The following NR1I2 variants were observed in gnomAD, a reference collection of about 807,000 sequenced individuals.
NR1I2 encodes the protein orphan nuclear receptor PAR1.
A neutral mutation model predicts 43.3 loss-of-function variants in NR1I2; 42 were observed. That is an observed-to-expected ratio of 0.97 (90% CI 0.76 to 1.26). The LOEUF is 1.26. Among genes scored for constraint, NR1I2 ranks in the 50% most tolerant of loss-of-function variants. NR1I2 has a pLI of 0.00. For missense variants in NR1I2, 559 were observed against 566.7 expected, an observed-to-expected ratio of 0.99 and a Z score of 0.14; for synonymous variants, 229 against 215.0, an observed-to-expected ratio of 1.06 and a Z score of -0.57.
At chr3:119,804,236 G>C (rs1342728836) in intron 1 of NR1I2, among the ~76,000 whole-genome samples, 1 of 150,138 alleles carries the variant, frequency 6.7e-6, no homozygotes, top group African/African-American at 2.4e-5. Context: ...TTAGCCAGGC[G>C]TGGTGGCAGG....
intron 2 of NR1I2, 84 bp downstream of exon 2, chr3:119,807,531 C>G: frequency 8.2e-7 from 1 of 1,224,394 alleles, no homozygotes; most frequent in Non-Finnish European, 1.2e-6. Flanking sequence ...ACCTGTCCCC[C>G]AGGTTCAGAG....
chr3:119,791,339 C>T lies in NR1I2; in HGVS notation c.-23+9039C>T, dbSNP rs572959292. Among the ~76,000 whole-genome samples, 22 of 152,310 alleles carry T rather than the reference C, an allele frequency of 1.4e-4. 1 individual carries two copies. In the South Asian group the frequency reaches 4.6e-3, roughly 32 times the overall value. On this transcript the variant is annotated intron_variant, in intron 1 of 8. Coordinates refer to ENST00000393716, the MANE Select transcript of NR1I2 (RefSeq NM_003889.4). ...CCAGAGTGGCCTCCTCCTGCAATGT[C>T]AGGCTAGATTAACATCTATGAGAGT...
In NR1I2 at chr3:119,817,961, AACAC is replaced by A. The variant is rs1176172762; in HGVS notation, c.*751_*754del. 1.0e-6 allele frequency: 1 copy of A among 985,096 alleles called. No individual in the cohort carries two copies. The highest frequency in any genetic ancestry group is 1.7e-5 in the African/African-American group (1 of 57,222). The allele number at this position is 985,096 out of a possible 1,614,324, so 61.0% of individuals were successfully genotyped here. Reference sequence around the variant, plus strand: ...GTTTATAGTTAAAAAAACAAACAGAAACACAAACGATTTGGATCAAAAGGAGAAA... The same window carrying A: ...GTTTATAGTTAAAAAAACAAACAGAAAAACGATTTGGATCAAAAGGAGAAA... On this transcript the variant is annotated 3_prime_UTR_variant, in exon 9 of 9. Coordinates refer to ENST00000393716, the MANE Select transcript of NR1I2 (RefSeq NM_003889.4).
intron 1 of NR1I2, among the ~76,000 whole-genome samples, chr3:119,786,534 C>T (rs1025951286): frequency 1.3e-5 from 2 of 152,192 alleles, no homozygotes; most frequent in Non-Finnish European, 2.9e-5. Flanking sequence ...AACTATAAAA[C>T]CACAGGCAAC....
Position 119,817,776 on chromosome 3 carries a change from A to G in NR1I2, c.*564A>G, listed in dbSNP as rs2055350824. 1 of 1,002,194 alleles carries G rather than the reference A, an allele frequency of 1.0e-6. No homozygotes were observed. The highest frequency in any genetic ancestry group is 5.2e-5 in the Admixed American group (1 of 19,264). 62.1% of individuals were successfully genotyped at this position (1,002,194 alleles called of 1,614,324 possible). On this transcript the variant is annotated 3_prime_UTR_variant, in exon 9 of 9. Coordinates refer to ENST00000393716, the MANE Select transcript of NR1I2 (RefSeq NM_003889.4). ...GAGTCCTCTAGAGAGATGAGAAGCC[A>G]GGAGGCCTGCACCAAATGTCAGAAG...
chr3:119,815,806 T>C lies in NR1I2; in HGVS notation c.1135T>C (p.Cys379Arg). 1 of 1,612,530 alleles carries C rather than the reference T, an allele frequency of 6.2e-7. No homozygotes were observed. The highest frequency in any genetic ancestry group is 1.7e-4 in the Middle Eastern group (1 of 6,060). Residue 379 changes from cysteine (C) to arginine (R), a missense_variant, in exon 8 of 9, where the codon TGC becomes CGC. Transcript: ENST00000393716. ...CATTACTCTGAAGTCCTACATTGAA[T>C]GCAATCGGCCCCAGCCTGCTCATAG... is the stretch of plus-strand genomic sequence containing the variant.
Position 119,817,706 on chromosome 3 carries a change from G to T in NR1I2, c.*494G>T, listed in dbSNP as rs1382022196. The T allele has an allele frequency of 1.6e-5, 18 of 1,110,282 alleles. No homozygotes were observed. In the Admixed American group the frequency reaches 8.2e-4, roughly 50 times the overall value. The allele number at this position is 1,110,282 out of a possible 1,614,324, so 68.8% of individuals were successfully genotyped here. A position where few individuals can be genotyped will look rare whatever the true frequency, so the allele number is the denominator to read the frequency against. ...CCCCTCCTCTTCCGAGCTGCTTTGT[G>T]GGCTCCAGGCCTGTACTCATCGGCA... is the stretch of plus-strand genomic sequence containing the variant. On this transcript the variant is annotated 3_prime_UTR_variant, in exon 9 of 9. Transcript: ENST00000393716.
intron 5 of NR1I2, 31 bp from the exon 6 acceptor site, chr3:119,814,948 G>T (rs1183728829): frequency 6.2e-7 from 1 of 1,613,738 alleles, no homozygotes; most frequent in Middle Eastern, 1.7e-4. Context: ...CTCCCAGGGA[G>T]CTGTCCTCCC....
At position 119,792,262 on chromosome 3, in the gene NR1I2, G is replaced by A. The variant is rs571097455; in HGVS notation, c.-23+9962G>A. On this transcript the variant is annotated intron_variant, in intron 1 of 8. Transcript: ENST00000393716. ...ATCACCCAGAGAGAACTGGTCTCCA[G>A]GCAGGTGAGCGACGACCTTATGGAG... 2.6e-6 allele frequency: 4 copies of A among 1,544,484 alleles called. No homozygotes were observed. The South Asian group carries it at 4.6e-5, about 18-fold the overall frequency.
Position 119,812,671 on chromosome 3 carries a change from T to C in NR1I2, c.520-15T>C. On this transcript the variant is annotated splice_polypyrimidine_tract_variant and intron_variant, in intron 4 of 8. Coordinates refer to ENST00000393716, the MANE Select transcript of NR1I2 (RefSeq NM_003889.4). The stretch of plus-strand genomic sequence containing the variant: ...TGCTGTCTCTCCTCTGTCCACCTCC[T>C]GGCATGTGTCCTAGCTGCCAGGGGT... 6.2e-7 allele frequency: 1 copy of C among 1,613,504 alleles called. No individual in the cohort carries two copies. Among genetic ancestry groups the C allele is most frequent in the Non-Finnish European group, 8.5e-7 (1 of 1,179,962 alleles).
intron 7 of NR1I2, 44 bp downstream of exon 7, chr3:119,815,483 T>A: frequency 6.7e-7 from 1 of 1,483,318 alleles, no homozygotes; most frequent in East Asian, 2.3e-5. Context: ...CCCAGCCTTA[T>A]CTGCCCTCCC....
intron 1 of NR1I2, chr3:119,782,715 G>A (rs201178587): frequency 3.4e-5 from 49 of 1,438,916 alleles, no homozygotes; most frequent in Non-Finnish European, 4.8e-5. Flanking sequence ...CTTTTGGCCT[G>A]CTGGGTTAGT....
intron 1 of NR1I2, chr3:119,782,951 T>A (rs2461831): frequency 0.99 from 964,022 of 969,852 alleles, 479,327 homozygotes; most frequent in East Asian, 1. Flanking sequence ...TTCTCTCCAC[T>A]TTACAGCCCA....
intron 1 of NR1I2, among the ~76,000 whole-genome samples, chr3:119,794,420 C>T (rs771528766): frequency 8.6e-5 from 13 of 151,678 alleles, no homozygotes; most frequent in Non-Finnish European, 1.6e-4. Flanking sequence ...TCTCGAACTC[C>T]TGGGCTCAAG....
rs923927976 is a variant in NR1I2 at position 119,817,400 on chromosome 3, C to T, written c.*188C>T. 3.4e-6 allele frequency: 5 copies of T among 1,468,688 alleles called. No homozygotes were observed. The highest frequency in any genetic ancestry group is 2.2e-5 in the Admixed American group (1 of 46,434). 91.0% of individuals were successfully genotyped at this position (1,468,688 alleles called of 1,614,324 possible). ...GGAAGGACATGGGTGCCCCCCACCC[C>T]CAGTTCAGTCTGTAGGGAGTGAAGC... is the stretch of plus-strand genomic sequence containing the variant. On this transcript the variant is annotated 3_prime_UTR_variant, in exon 9 of 9. Transcript: ENST00000393716.
rs2276707 is a variant in NR1I2, at chr3:119,815,306, C to G, written c.938-17C>G. 2.8e-4 allele frequency: 443 copies of G among 1,605,722 alleles called. No homozygotes were observed. The African/African-American group carries it at 4.5e-3, about 16-fold the overall frequency. On this transcript the variant is annotated splice_polypyrimidine_tract_variant and intron_variant, in intron 6 of 8. Coordinates refer to ENST00000393716, the MANE Select transcript of NR1I2 (RefSeq NM_003889.4). Reference sequence around the variant, plus strand: ...GCTTGCTGAGAAGCTGCCCCTCCATCCTGTTACCATCCACAGGTGGCTTCC... The same window carrying G: ...GCTTGCTGAGAAGCTGCCCCTCCATGCTGTTACCATCCACAGGTGGCTTCC...
At chr3:119,801,890 C>T (rs978053336) in intron 1 of NR1I2, among the ~76,000 whole-genome samples, 1 of 152,190 alleles carries the variant, frequency 6.6e-6, no homozygotes, top group Non-Finnish European at 1.5e-5. Context: ...TCTCAGGCCT[C>T]TCCCTCTTCA....
chr3:119,794,849 G>T (rs904004814), intron 1 of NR1I2, among the ~76,000 whole-genome samples: 4 of 151,924 alleles, frequency 2.6e-5, no homozygotes, highest in African/African-American at 9.7e-5. Context: ...TGAGCCAGGA[G>T]AATTGCTTGA....
chr3:119,817,665 C>T lies in NR1I2; in HGVS notation c.*453C>T. On this transcript the variant is annotated 3_prime_UTR_variant, in exon 9 of 9. Transcript: ENST00000393716. ...TTGCTACCTCTAATAGTCCTGTCTC[C>T]CACTTCCCACTCGTTCCCCTCCTCT... 1.8e-6 allele frequency: 2 copies of T among 1,118,152 alleles called. No individual in the cohort carries two copies. Among genetic ancestry groups the T allele is most frequent in the Non-Finnish European group, 2.2e-6 (2 of 906,038 alleles). 69.3% of individuals were successfully genotyped at this position (1,118,152 alleles called of 1,614,324 possible).
Sources: gnomAD v4.1 joint callset for allele counts (sites outside exome capture counted in the v4.1 genomes callset) on GRCh38, gnomAD v4.1.1 for gene constraint, MANE v1.5 for transcripts, NCBI Gene and HGNC (gene_info 2026-07-23, HGNC 2026-07-21) for gene names.